ACYP2: variants seen among roughly 807,000 people sequenced by gnomAD.
ACYP2 encodes the protein acylphosphatase 2, also known as acylphosphatase-2.
Under a neutral mutation model 11.2 loss-of-function variants are expected in ACYP2, and 12 were observed. The ratio of observed to expected loss-of-function variants is 1.08; its 90% CI spans 0.69 to 1.74. The LOEUF (loss-of-function observed/expected upper bound fraction) is 1.74, where lower values mean the gene tolerates loss of function less well. ACYP2 is among the 40% of genes most tolerant of loss of function. The pLI, the probability that ACYP2 is intolerant of heterozygous loss-of-function variation, is 0.00. For missense variants in ACYP2, 134 were observed against 101.9 expected (o/e 1.31, Z -1.35); for synonymous variants, 43 against 32.2 (o/e 1.33, Z -1.13).
chr2:54,028,315 G>T (rs2104551948), intron 2 of ACYP2, among the ~76,000 whole-genome samples: 1 of 152,256 alleles, frequency 6.6e-6, no homozygotes, highest in African/African-American at 2.4e-5. Flanking sequence ...TATGGGTTAA[G>T]GGGACGAGAA....
chr2:53,976,830 T>C (rs1671519167), intron 2 of ACYP2, among the ~76,000 whole-genome samples: 1 of 152,230 alleles, frequency 6.6e-6, no homozygotes, highest in African/African-American at 2.4e-5. Context: ...TTTTCTCTCA[T>C]TATTTTAGGC....
chr2:54,010,484 CA>C (rs11301218), intron 2 of ACYP2, among the ~76,000 whole-genome samples: 88,273 of 143,638 alleles, frequency 0.61, 27,063 homozygotes, highest in African/African-American at 0.77. Context: ...AACTCTGTCT[CA>C]AAAAAAAAAA....
intron 2 of ACYP2, among the ~76,000 whole-genome samples, chr2:53,984,079 A>G (rs1383291040): frequency 6.6e-6 from 1 of 152,096 alleles, no homozygotes; most frequent in Non-Finnish European, 1.5e-5. Flanking sequence ...CATCATCATC[A>G]CCATCATCAT....
intron 6 of ACYP2, among the ~76,000 whole-genome samples, chr2:54,208,022 C>T (rs142605881): frequency 2.4e-4 from 36 of 152,226 alleles, no homozygotes; most frequent in Non-Finnish European, 4.4e-4. Flanking sequence ...CCCACAGATC[C>T]ATGAAATGTA....
At chr2:54,016,466 C>T (rs559449275) in intron 2 of ACYP2, among the ~76,000 whole-genome samples, 2 of 151,854 alleles carry the variant, frequency 1.3e-5, no homozygotes, top group South Asian at 4.2e-4. Context: ...AATGTGCTCA[C>T]GTGTCTTTGT....
At chr2:54,034,594 A>G (rs763234256) in intron 2 of ACYP2, among the ~76,000 whole-genome samples, 14 of 152,230 alleles carry the variant, frequency 9.2e-5, no homozygotes, top group Non-Finnish European at 1.6e-4. Flanking sequence ...TTGCACTACG[A>G]TGAAATTGCT....
intron 2 of ACYP2, among the ~76,000 whole-genome samples, chr2:54,027,532 C>T (rs964688875): frequency 4.6e-5 from 7 of 152,146 alleles, no homozygotes; most frequent in African/African-American, 7.2e-5. Flanking sequence ...TGGGTCTTCT[C>T]GTTTCTGAAA....
At chr2:54,278,489 C>CCAAT (rs1417586469) in intron 6 of ACYP2, among the ~76,000 whole-genome samples, 1 of 152,170 alleles carries the variant, frequency 6.6e-6, no homozygotes, top group East Asian at 1.9e-4. Context: ...CATGGTAATG[C>CCAAT]CAATCAACTT....
At chr2:54,025,552 C>T (rs927464048) in intron 2 of ACYP2, among the ~76,000 whole-genome samples, 3 of 152,134 alleles carry the variant, frequency 2.0e-5, no homozygotes, top group African/African-American at 7.2e-5. Context: ...GGATTCTCAT[C>T]TCTTACCTTA....
intron 4 of ACYP2, among the ~76,000 whole-genome samples, chr2:54,122,645 ATATC>A (rs2103744667): frequency 6.6e-6 from 1 of 152,302 alleles, no homozygotes; most frequent in Non-Finnish European, 1.5e-5. Context: ...TTCTATATAG[ATATC>A]TATCTGTTGT....
At chr2:54,220,510 G>A (rs1047346085) in intron 6 of ACYP2, among the ~76,000 whole-genome samples, 1 of 152,070 alleles carries the variant, frequency 6.6e-6, no homozygotes, top group Non-Finnish European at 1.5e-5. Context: ...GCATTTCCCA[G>A]ATACAATTAT....
intron 6 of ACYP2, among the ~76,000 whole-genome samples, chr2:54,177,012 G>A (rs927946645): frequency 1.3e-5 from 2 of 152,154 alleles, no homozygotes; most frequent in African/African-American, 4.8e-5. Flanking sequence ...GCAAATCTCA[G>A]AATCTTTGTG....
intron 2 of ACYP2, among the ~76,000 whole-genome samples, chr2:53,995,488 TTTTATTTATTTA>T (rs374442168): frequency 2.1e-5 from 3 of 145,070 alleles, no homozygotes; most frequent in Non-Finnish European, 3.0e-5. Context: ...TTTATTTATT[TTTTATTTATTTA>T]TTTATTTATT....
intron 6 of ACYP2, among the ~76,000 whole-genome samples, chr2:54,247,749 C>G (rs1374656706): frequency 6.6e-6 from 1 of 152,236 alleles, no homozygotes; most frequent in Non-Finnish European, 1.5e-5. Context: ...TCATAATGTT[C>G]TACTGTGAAA....
At chr2:54,188,849 C>T (rs1025030261) in intron 6 of ACYP2, among the ~76,000 whole-genome samples, 6 of 152,160 alleles carry the variant, frequency 3.9e-5, no homozygotes, top group Admixed American at 3.9e-4. Context: ...CACTCCCGTT[C>T]CCAGCCTACT....
chr2:54,296,918 A>G (rs1435520550), intron 6 of ACYP2, among the ~76,000 whole-genome samples: 3 of 152,202 alleles, frequency 2.0e-5, no homozygotes, highest in Non-Finnish European at 4.4e-5. Flanking sequence ...TGGAAGATAT[A>G]TGCACACAAA....
chr2:54,082,770 T>C (rs1434385783), intron 4 of ACYP2: 1 of 152,114 alleles, frequency 6.6e-6, no homozygotes, highest in Non-Finnish European at 1.5e-5. Flanking sequence ...CTCAAGTTCC[T>C]AGGTAGGACT....
At chr2:54,075,967 A>G (rs1182254439) in intron 4 of ACYP2, among the ~76,000 whole-genome samples, 1 of 152,130 alleles carries the variant, frequency 6.6e-6, no homozygotes, top group Non-Finnish European at 1.5e-5. Context: ...AGTTCTTTGT[A>G]GCAGATATTT....
chr2:53,984,004 A>G (rs1671890215), intron 2 of ACYP2, among the ~76,000 whole-genome samples: 1 of 152,068 alleles, frequency 6.6e-6, no homozygotes, highest in South Asian at 2.1e-4. Flanking sequence ...TTTATCCTGT[A>G]AGCATTGAGG....
Sources: gnomAD v4.1 joint callset for allele counts (sites outside exome capture counted in the v4.1 genomes callset) on GRCh38, gnomAD v4.1.1 for gene constraint, MANE v1.5 for transcripts, NCBI Gene and HGNC (gene_info 2026-07-23, HGNC 2026-07-21) for gene names.